Variants in UNC5D observed in about 807,000 individuals in gnomAD.
UNC5D encodes the protein netrin receptor UNC5D.
Under a neutral mutation model 105.4 loss-of-function variants are expected in UNC5D, and 39 were observed. That is an observed-to-expected ratio of 0.37 (90% confidence interval 0.29 to 0.48). The LOEUF is 0.48. Among genes scored for constraint, UNC5D ranks in the 20% least tolerant of loss-of-function variants. The pLI is 0.98. For missense variants in UNC5D, 991 were observed against 1,202.4 expected (o/e 0.82, Z 2.60); for synonymous variants, 452 against 450.4 (o/e 1.00, Z -0.04).
At chr8:35,517,763 C>G (rs187241020) in intron 1 of UNC5D, among the ~76,000 whole-genome samples, 3 of 152,260 alleles carry the variant, frequency 2.0e-5, no homozygotes, top group Admixed American at 2.0e-4. Context: ...GTACCATGGA[C>G]TGGGTAGCTT....
intron 1 of UNC5D, among the ~76,000 whole-genome samples, chr8:35,281,705 C>A (rs1806184212): frequency 6.6e-6 from 1 of 152,138 alleles, no homozygotes; most frequent in Admixed American, 6.5e-5. Context: ...TGTGAGCATG[C>A]CTTATAGCTG....
Position 35,794,100 on chromosome 8 carries a change from T to G in UNC5D, c.*3537T>G, listed in dbSNP as rs1803163718. 1 of 152,216 alleles carries G rather than the reference T, an allele frequency of 6.6e-6. No individual in the cohort carries two copies. The highest frequency in any genetic ancestry group is 2.4e-5 in the African/African-American group (1 of 41,464). The allele number at this position is 152,216 out of a possible 1,614,324, so 9.4% of individuals were successfully genotyped here. On this transcript the variant is annotated 3_prime_UTR_variant, in exon 17 of 17. Coordinates refer to ENST00000404895, the MANE Select transcript of UNC5D (RefSeq NM_080872.4). ...ATAATTGGTTTTAGATAATATCTTC[T>G]ACTGCCAAACTTCTGGCAAATTTAC...
chr8:35,340,950 G>C (rs1811415300), intron 1 of UNC5D, among the ~76,000 whole-genome samples: 1 of 152,032 alleles, frequency 6.6e-6, no homozygotes, highest in African/African-American at 2.4e-5. Flanking sequence ...TACTTTAAAA[G>C]CAGTTAATTT....
chr8:35,397,525 TAC>T (rs781320400), intron 1 of UNC5D, among the ~76,000 whole-genome samples: 5 of 152,194 alleles, frequency 3.3e-5, no homozygotes, highest in Non-Finnish European at 7.3e-5. Flanking sequence ...GAAGTGTAAT[TAC>T]ACACACAGCA....
At chr8:35,296,392 ACACTT>A (rs1258416454) in intron 1 of UNC5D, among the ~76,000 whole-genome samples, 1 of 152,036 alleles carries the variant, frequency 6.6e-6, no homozygotes, top group East Asian at 1.9e-4. Flanking sequence ...GTTTTGATTT[ACACTT>A]CTCCCATGAG....
intron 16 of UNC5D, among the ~76,000 whole-genome samples, chr8:35,779,539 A>T (rs1328955347): frequency 2.6e-5 from 4 of 151,952 alleles, no homozygotes; most frequent in Non-Finnish European, 5.9e-5. Context: ...GCTTACTGCA[A>T]CCTCCACTTC....
chr8:35,748,618 A>C lies in UNC5D; in HGVS notation c.1858A>C (p.Ile620Leu). The C allele has an allele frequency of 6.2e-7, 1 of 1,614,092 alleles. No homozygotes were observed. The highest frequency in any genetic ancestry group is 8.5e-7 in the Non-Finnish European group (1 of 1,179,952). The part of the protein sequence containing the change: ...MIVTTPFALT[I>L]PHCADVSSEH... ...CGTCACCACTCCCTTTGCATTGACC[A>C]TCCCGCACTGTGCAGATGTCAGTTC... Residue 620 changes from isoleucine to leucine, a missense_variant, in exon 12 of 17, where the codon ATC becomes CTC. Transcript: ENST00000404895.
At chr8:35,537,604 C>T (rs1004151789) in intron 1 of UNC5D, among the ~76,000 whole-genome samples, 1 of 151,994 alleles carries the variant, frequency 6.6e-6, no homozygotes, top group African/African-American at 2.4e-5. Context: ...CCACTTGACC[C>T]TGGAATTGGA....
chr8:35,430,562 G>A (rs1806558039), intron 1 of UNC5D, among the ~76,000 whole-genome samples: 1 of 152,076 alleles, frequency 6.6e-6, no homozygotes, highest in South Asian at 2.1e-4. Flanking sequence ...AGGAAGTGGA[G>A]GGCAGTCTTA....
At chr8:35,654,912 G>C (rs1210076592) in intron 4 of UNC5D, among the ~76,000 whole-genome samples, 1 of 152,140 alleles carries the variant, frequency 6.6e-6, no homozygotes, top group Admixed American at 6.5e-5. Flanking sequence ...GACTGAGCTA[G>C]ATGGAGTCCC....
intron 1 of UNC5D, among the ~76,000 whole-genome samples, chr8:35,319,985 T>C (rs760604487): frequency 6.6e-6 from 1 of 152,052 alleles, no homozygotes; most frequent in Non-Finnish European, 1.5e-5. Context: ...AGCAAAGTGT[T>C]GACAAAAAGA....
rs568702344 is a variant in UNC5D, at chr8:35,318,575, GT to G, written c.103+82690del. ...TAGGGTTGTTTTAGGAATAAAAGCA[GT>G]TCTATCTATTTATTAACTATTTATT... On this transcript the variant is annotated intron_variant, in intron 1 of 16. Transcript: ENST00000404895. 2.6e-5 allele frequency among the ~76,000 whole-genome samples: 4 copies of G among 152,194 alleles called. 1 individual carries two copies. The South Asian group carries it at 8.3e-4, about 32-fold the overall frequency.
chr8:35,348,276 A>T (rs976152341), intron 1 of UNC5D, among the ~76,000 whole-genome samples: 1 of 152,048 alleles, frequency 6.6e-6, no homozygotes, highest in African/African-American at 2.4e-5. Flanking sequence ...TTTCACTTAA[A>T]TATATGTCAT....
chr8:35,285,781 G>C (rs1806551460), intron 1 of UNC5D, among the ~76,000 whole-genome samples: 1 of 152,082 alleles, frequency 6.6e-6, no homozygotes, highest in East Asian at 1.9e-4. Context: ...GGAATCCACA[G>C]ATTAATTCCC....
chr8:35,457,164 A>G (rs1305562852), intron 1 of UNC5D, among the ~76,000 whole-genome samples: 1 of 152,220 alleles, frequency 6.6e-6, no homozygotes, highest in Non-Finnish European at 1.5e-5. Context: ...TATATAATAG[A>G]CACTTAATTC....
At chr8:35,263,709 A>T (rs1379201403) in intron 1 of UNC5D, among the ~76,000 whole-genome samples, 1 of 152,270 alleles carries the variant, frequency 6.6e-6, no homozygotes, top group Non-Finnish European at 1.5e-5. Flanking sequence ...AGTAGATGAC[A>T]GAATACAAAC....
chr8:35,630,368 C>T (rs1391512811), intron 4 of UNC5D, among the ~76,000 whole-genome samples: 2 of 152,108 alleles, frequency 1.3e-5, no homozygotes, highest in African/African-American at 4.8e-5. Context: ...TCTAAGCAGC[C>T]CTGATCTCAG....
intron 13 of UNC5D, among the ~76,000 whole-genome samples, chr8:35,753,679 A>G (rs1344081811): frequency 6.6e-6 from 1 of 152,158 alleles, no homozygotes; most frequent in African/African-American, 2.4e-5. Context: ...CTCTCCTACA[A>G]TGGCAAATAA....
chr8:35,619,930 G>A (rs1233165197), intron 4 of UNC5D, among the ~76,000 whole-genome samples: 1 of 151,434 alleles, frequency 6.6e-6, no homozygotes, highest in Non-Finnish European at 1.5e-5. Context: ...TATTCCTGAT[G>A]TAGAGCAGTG....
Sources: gnomAD v4.1 joint callset for allele counts (sites outside exome capture counted in the v4.1 genomes callset) on GRCh38, gnomAD v4.1.1 for gene constraint, MANE v1.5 for transcripts, NCBI Gene and HGNC (gene_info 2026-07-23, HGNC 2026-07-21) for gene names.